KLHL4: variants seen among roughly 807,000 people sequenced by gnomAD.
KLHL4 encodes the protein kelch like family member 4.
KLHL4 carries 17 observed loss-of-function variants against 45.8 expected under a neutral mutation model. The ratio of observed to expected loss-of-function variants is 0.37; its 90% CI spans 0.25 to 0.56. The LOEUF (loss-of-function observed/expected upper bound fraction) is 0.56. Among genes scored for constraint, KLHL4 ranks in the 20% least tolerant of loss-of-function variants. The pLI is 0.79. For missense variants in KLHL4, 544 were observed against 544.9 expected, an observed-to-expected ratio of 1.00 and a Z score of 0.02; for synonymous variants, 224 against 189.9, an observed-to-expected ratio of 1.18 and a Z score of -1.47.
At chrX:87,521,504 C>T (rs138354929) in intron 1 of KLHL4, among the ~76,000 whole-genome samples, 1,798 of 110,625 alleles carry the variant, frequency 0.016, 40 homozygotes, top group African/African-American at 0.056. Context: ...TAAAAACAAA[C>T]CAAATTATAA....
chrX:87,657,789 C>T (rs941943267), intron 9 of KLHL4, among the ~76,000 whole-genome samples: 2 of 111,531 alleles, frequency 1.8e-5, no homozygotes, highest in African/African-American at 6.5e-5. Context: ...CCATGCTTTG[C>T]CTATGAGGTG....
At position 87,517,900 on chromosome X, in the gene KLHL4, G is replaced by C; in HGVS notation, c.7G>C (p.Val3Leu). 1 of 1,201,723 alleles carries C rather than the reference G, an allele frequency of 8.3e-7. No individual in the cohort carries two copies. Among genetic ancestry groups the C allele is most frequent in the Non-Finnish European group, 1.1e-6 (1 of 889,656 alleles). Reference protein sequence around the residue: MSVSGKKEFDVKQ... With the variant: MSLSGKKEFDVKQ... ...TGTCTTTCCTCCTGCTACGATGTCA[G>C]TGTCTGGCAAGAAAGAGTTTGATGT... Residue 3 changes from valine (V) to leucine (L), a missense_variant, in exon 1 of 11, where the codon GTG (valine) becomes CTG (leucine). Val to Leu is a conservative substitution (Grantham distance 32, BLOSUM62 1). Transcript: ENST00000373119.
intron 9 of KLHL4, among the ~76,000 whole-genome samples, chrX:87,654,133 TAATAAAATAA>T (rs58950637): frequency 2.7e-5 from 3 of 111,397 alleles, no homozygotes; most frequent in East Asian, 5.6e-4. Context: ...CCCTGGAAAT[TAATAAAATAA>T]AATAAAATAA....
At chrX:87,601,593 G>A (rs1922018373) in intron 1 of KLHL4, among the ~76,000 whole-genome samples, 1 of 111,002 alleles carries the variant, frequency 9.0e-6, no homozygotes, top group Non-Finnish European at 1.9e-5. Flanking sequence ...AGCTTCAGTT[G>A]TTTCCTATTA....
At chrX:87,641,407 A>G (rs1923454772) in intron 9 of KLHL4, among the ~76,000 whole-genome samples, 1 of 112,158 alleles carries the variant, frequency 8.9e-6, no homozygotes, top group African/African-American at 3.2e-5. Context: ...TGGGTCCCCT[A>G]GCAGGCCATT....
chrX:87,658,383 C>T (rs770534077), intron 9 of KLHL4, among the ~76,000 whole-genome samples: 83 of 111,515 alleles, frequency 7.4e-4, no homozygotes, highest in African/African-American at 2.5e-3. Flanking sequence ...GTAGAGACTC[C>T]TATAGTTAGG....
chrX:87,592,002 C>A (rs1168469430), intron 1 of KLHL4, among the ~76,000 whole-genome samples: 1 of 110,219 alleles, frequency 9.1e-6, no homozygotes, highest in Non-Finnish European at 1.9e-5. Context: ...ACTTCCCCCC[C>A]CACCCCCACT....
intron 1 of KLHL4, among the ~76,000 whole-genome samples, chrX:87,545,432 CT>C (rs1931653849): frequency 9.0e-6 from 1 of 111,345 alleles, no homozygotes; most frequent in African/African-American, 3.3e-5. Flanking sequence ...GCTGTCCCCC[CT>C]TTGCTTCCTA....
At chrX:87,613,237 T>C (rs1387872922) in intron 1 of KLHL4, among the ~76,000 whole-genome samples, 1 of 112,099 alleles carries the variant, frequency 8.9e-6, no homozygotes, top group Non-Finnish European at 1.9e-5. Context: ...TAAGCCTGTG[T>C]GTACTTGTGT....
At chrX:87,563,528 C>T (rs1383658105) in intron 1 of KLHL4, among the ~76,000 whole-genome samples, 4 of 100,966 alleles carry the variant, frequency 4.0e-5, no homozygotes, top group African/African-American at 1.5e-4. Context: ...AGTCTCTCAA[C>T]AGTAGAATTG....
rs768536458 is a variant in KLHL4 at position 87,529,290 on chromosome X, A to G, written c.422+10975A>G. On this transcript the variant is annotated intron_variant, in intron 1 of 10. Transcript: ENST00000373119. ...ACTCACCAGTAAATATTAATTCATA[A>G]TCCAACTCAAAATACTCCAGGGCTA... Among the ~76,000 whole-genome samples, 20 of 111,686 alleles carry G rather than the reference A, an allele frequency of 1.8e-4. No individual in the cohort carries two copies. In the South Asian group the frequency reaches 7.4e-3, roughly 41 times the overall value.
At chrX:87,654,355 A>G (rs901306481) in intron 9 of KLHL4, among the ~76,000 whole-genome samples, 9 of 111,279 alleles carry the variant, frequency 8.1e-5, no homozygotes, top group Non-Finnish European at 1.3e-4. Context: ...ATCCATGTGT[A>G]TGCATTATTT....
At chrX:87,556,807 C>G (rs1006855674) in intron 1 of KLHL4, among the ~76,000 whole-genome samples, 10 of 111,524 alleles carry the variant, frequency 9.0e-5, no homozygotes, top group Non-Finnish European at 1.3e-4. Context: ...TAAGTTTTCT[C>G]TTTTCCTAGT....
intron 1 of KLHL4, among the ~76,000 whole-genome samples, chrX:87,583,874 T>C (rs1198603306): frequency 9.0e-6 from 1 of 111,380 alleles, no homozygotes; most frequent in Non-Finnish European, 1.9e-5. Flanking sequence ...AGTGGGCTCT[T>C]AAGCCAGTGA....
intron 1 of KLHL4, among the ~76,000 whole-genome samples, chrX:87,600,551 C>CT (rs1363788247): frequency 9.0e-6 from 1 of 110,960 alleles, no homozygotes; most frequent in Non-Finnish European, 1.9e-5. Flanking sequence ...CTTGCTCCTG[C>CT]TTTTGCCATG....
chrX:87,624,894 A>C (rs1297903639), intron 5 of KLHL4, among the ~76,000 whole-genome samples: 1 of 112,410 alleles, frequency 8.9e-6, no homozygotes, highest in Non-Finnish European at 1.9e-5. Context: ...AATACTCTGC[A>C]GAAGTGATCA....
Position 87,669,272 on chromosome X carries a change from C to T in KLHL4, c.*2738C>T, listed in dbSNP as rs1191599161. The T allele has an allele frequency of 1.7e-6, 2 of 1,197,642 alleles. No individual in the cohort carries two copies. The highest frequency in any genetic ancestry group is 1.7e-5 in the African/African-American group (1 of 57,281). On this transcript the variant is annotated 3_prime_UTR_variant, in exon 11 of 11. Transcript: ENST00000373119. ...TCACGATTCCCTACTCTGCAACTCTCAGCATGCATCATGATGATTCTCTAA... is the reference window on the plus strand; with the variant it reads ...TCACGATTCCCTACTCTGCAACTCTTAGCATGCATCATGATGATTCTCTAA...
In KLHL4 at chrX:87,665,755, T is replaced by A. The variant is rs976338365; in HGVS notation, c.2098-720T>A. 3.6e-5 allele frequency among the ~76,000 whole-genome samples: 4 copies of A among 111,881 alleles called. No homozygotes were observed. In the East Asian group the frequency reaches 1.1e-3, roughly 31 times the overall value. ...ATCTTCCTTTCTACTGACTTCATGC[T>A]ACTCTATATTCTACAGGGTACAGCT... On this transcript the variant is annotated intron_variant, in intron 10 of 10. Coordinates refer to ENST00000373119, the MANE Select transcript of KLHL4 (RefSeq NM_019117.5).
intron 1 of KLHL4, among the ~76,000 whole-genome samples, chrX:87,584,177 T>C (rs983516639): frequency 9.8e-5 from 11 of 111,941 alleles, no homozygotes; most frequent in African/African-American, 3.6e-4. Flanking sequence ...CTAAAGTAGA[T>C]ACTGATTAAA....
Sources: allele counts gnomAD v4.1 joint callset (sites outside exome capture counted in the v4.1 genomes callset), GRCh38; gene constraint gnomAD v4.1.1; transcripts MANE v1.5; gene names NCBI Gene and HGNC (gene_info 2026-07-23, HGNC 2026-07-21).